Variants in ICE1 observed in about 807,000 individuals in gnomAD.
ICE1 encodes little elongation complex subunit 1.
A neutral mutation model predicts 192.7 loss-of-function variants in ICE1; 64 were observed. The ratio of observed to expected loss-of-function variants is 0.33; its 90% CI spans 0.27 to 0.41. ICE1 has a LOEUF of 0.41. Ranked by LOEUF, ICE1 falls within the 10% of genes least tolerant of loss-of-function variation. ICE1 has a pLI of 1.00. For synonymous variants in ICE1, 1,010 were observed against 984.5 expected (o/e 1.03, Z -0.49); for missense variants, 2,708 against 2,696.0 (o/e 1.00, Z -0.10).
intron 14 of ICE1, among the ~76,000 whole-genome samples, chr5:5,468,454 C>G (rs968660499): frequency 2.6e-5 from 4 of 152,112 alleles, no homozygotes; most frequent in African/African-American, 9.7e-5. Context: ...GTATTTACAA[C>G]AAAAGAATTG....
At position 5,467,001 on chromosome 5, in the gene ICE1, G is replaced by C. The variant is rs187860224; in HGVS notation, c.6061+499G>C. Among the ~76,000 whole-genome samples the C allele has an allele frequency of 3.9e-5, 6 of 152,164 alleles. No homozygotes were observed. In the East Asian group the frequency reaches 1.2e-3, roughly 29 times the overall value. On this transcript the variant is annotated intron_variant, in intron 14 of 18. Coordinates refer to ENST00000296564, the MANE Select transcript of ICE1 (RefSeq NM_015325.3). ...ATCAGACTGGGAATCATTCTTTGCT[G>C]TATCAAATCATCAGTATTTTTAAAT...
At position 5,457,753 on chromosome 5, in the gene ICE1, T is replaced by TTCATTTGCAC; in HGVS notation, c.1101+12_1101+13insTCATTTGCAC. 2 of 1,602,596 alleles carry TTCATTTGCAC rather than the reference T, an allele frequency of 1.2e-6. No homozygotes were observed. Among genetic ancestry groups the TTCATTTGCAC allele is most frequent in the South Asian group, 2.2e-5 (2 of 90,198 alleles). On this transcript the variant is annotated intron_variant, in intron 12 of 18. Coordinates refer to ENST00000296564, the MANE Select transcript of ICE1 (RefSeq NM_015325.3). The stretch of plus-strand genomic sequence containing the variant: ...CTTCATTTGCACCTGTGAGTTTTGC[T>TTCATTTGCAC]CTCTGAATTTGAATTACCAAGTGGG...
Position 5,462,329 on chromosome 5 carries a change from G to C in ICE1, c.2995G>C (p.Gly999Arg). 1 of 1,613,972 alleles carries C rather than the reference G, an allele frequency of 6.2e-7. No homozygotes were observed. Among genetic ancestry groups the C allele is most frequent in the South Asian group, 1.1e-5 (1 of 91,084 alleles). The change falls in exon 13 of 19, where the codon GGC (glycine) becomes CGC (arginine). Residue 999 changes from glycine to arginine, a missense_variant. Around this residue, in one of 2 missense-constraint regions of ICE1, gnomAD observed 2,366 missense variants for 2,276.6 expected, o/e 1.04. Coordinates refer to ENST00000296564, the MANE Select transcript of ICE1 (RefSeq NM_015325.3). ...AGATCTGGACTCCAGTGGGACACATGGCAGTGAGATGCTTCCAGCCACAGA... is the reference window on the plus strand; with the variant it reads ...AGATCTGGACTCCAGTGGGACACATCGCAGTGAGATGCTTCCAGCCACAGA... ...ATDLDSSGTH[G>R]SEMLPATEVT...
chr5:5,460,987 A>G lies in ICE1; in HGVS notation c.1653A>G (p.Val551=). ...TCATGGAATCTGAAGGAAAAACCGT[A>G]TTGTCTAAAATGATGGGATCGCCCA... The part of the protein sequence containing the change: ...NELMESEGKT[V]LSKMMGSPKS... The change falls in exon 13 of 19, where the codon GTA becomes GTG. Residue 551 remains valine, a synonymous_variant. Coordinates refer to ENST00000296564, the MANE Select transcript of ICE1 (RefSeq NM_015325.3). 1 of 1,614,056 alleles carries G rather than the reference A, an allele frequency of 6.2e-7. No homozygotes were observed. The highest frequency in any genetic ancestry group is 8.5e-7 in the Non-Finnish European group (1 of 1,179,902).
chr5:5,465,322 A>T, intron 13 of ICE1, 96 bp downstream of exon 13: 1 of 819,846 alleles, frequency 1.2e-6, no homozygotes, highest in Non-Finnish European at 1.9e-6. Context: ...GACCATGAAC[A>T]AAAGTTTTAC....
chr5:5,444,539 T>A (rs1181380472), intron 7 of ICE1, among the ~76,000 whole-genome samples: 1 of 152,178 alleles, frequency 6.6e-6, no homozygotes, highest in Non-Finnish European at 1.5e-5. Flanking sequence ...ATGTGGCAAA[T>A]CTCCGAAATG....
chr5:5,423,092 C>A, intron 1 of ICE1, 93 bp downstream of exon 1: 1 of 696,014 alleles, frequency 1.4e-6, no homozygotes, highest in South Asian at 4.5e-5. Context: ...GCGGGCTGTG[C>A]CTCAGTGCGC....
intron 17 of ICE1, among the ~76,000 whole-genome samples, chr5:5,479,568 T>G (rs2111402599): frequency 6.6e-6 from 1 of 152,274 alleles, no homozygotes; most frequent in South Asian, 2.1e-4. Flanking sequence ...GAAATACCAT[T>G]TGACCCAGCA....
rs757207553 is a variant in ICE1 at position 5,486,812 on chromosome 5, C to T, written c.6612C>T (p.His2204=). The T allele has an allele frequency of 2.1e-5, 33 of 1,587,426 alleles. No individual in the cohort carries two copies. The Middle Eastern group carries it at 5.0e-4, about 24-fold the overall frequency. The change falls in exon 18 of 19, where the codon CAC becomes CAT. Residue 2204 remains histidine (H), a synonymous_variant. Transcript: ENST00000296564. The part of the protein sequence containing the change: ...SVIGMFIQHA[H]DEDIPWGIQL... ...TTGGTATGTTTATACAGCATGCTCA[C>T]GATGAAGGTAAAACTTACATCTATT...
chr5:5,459,994 C>G (rs541383608), intron 12 of ICE1, among the ~76,000 whole-genome samples: 89 of 152,252 alleles, frequency 5.8e-4, no homozygotes, highest in African/African-American at 2.1e-3. Flanking sequence ...CGTCCCTCCC[C>G]CCCTGCACAA....
At position 5,462,827 on chromosome 5, in the gene ICE1, T is replaced by A. The variant is rs775233128; in HGVS notation, c.3493T>A (p.Ser1165Thr). 49 of 1,610,914 alleles carry A rather than the reference T, an allele frequency of 3.0e-5. No individual in the cohort carries two copies. Among genetic ancestry groups the A allele is most frequent in the Middle Eastern group, 3.3e-4 (2 of 6,082 alleles). The change falls in exon 13 of 19, where the codon TCT (serine) becomes ACT (threonine). Residue 1165 changes from serine to threonine, a missense_variant. Coordinates refer to ENST00000296564, the MANE Select transcript of ICE1 (RefSeq NM_015325.3). ...ALQDFNISTF[S>T]ELDRLSTSEV... ...GCAAGATTTTAACATAAGTACTTTT[T>A]CTGAGCTGGATAGACTTTCCACATC... is the stretch of plus-strand genomic sequence containing the variant.
intron 7 of ICE1, among the ~76,000 whole-genome samples, chr5:5,446,444 G>A (rs944083790): frequency 6.6e-5 from 10 of 150,944 alleles, no homozygotes; most frequent in African/African-American, 1.5e-4. Flanking sequence ...TGTGCACCAC[G>A]ACACCCGACT....
At chr5:5,486,682 T>C in intron 17 of ICE1, 39 bp from the exon 18 acceptor site, 1 of 1,350,462 alleles carries the variant, frequency 7.4e-7, no homozygotes, top group Non-Finnish European at 1.0e-6. Context: ...TTAATCAACA[T>C]TTAACTGGAC....
chr5:5,454,721 T>A lies in ICE1; in HGVS notation c.691+83T>A, dbSNP rs1738537499. The A allele has an allele frequency of 9.1e-6, 8 of 882,180 alleles. No homozygotes were observed. In the South Asian group the frequency reaches 1.2e-4, roughly 14 times the overall value. 54.6% of individuals were successfully genotyped at this position (882,180 alleles called of 1,614,324 possible). A position where few individuals can be genotyped will look rare whatever the true frequency, so the allele number is the denominator to read the frequency against. ...AGGCATAGCAGCCGTTACTTTTTAA[T>A]AGCTCCTGATTCTAACATTGAAAGA... On this transcript the variant is annotated intron_variant, in intron 11 of 18. Coordinates refer to ENST00000296564, the MANE Select transcript of ICE1 (RefSeq NM_015325.3).
intron 10 of ICE1, among the ~76,000 whole-genome samples, chr5:5,454,013 C>T (rs1055018206): frequency 6.6e-6 from 1 of 152,178 alleles, no homozygotes; most frequent in Non-Finnish European, 1.5e-5. Context: ...CGTACCGTCT[C>T]CCCTCAAGTC....
intron 17 of ICE1, among the ~76,000 whole-genome samples, chr5:5,480,411 G>T (rs1002200780): frequency 6.6e-6 from 1 of 151,764 alleles, no homozygotes; most frequent in African/African-American, 2.4e-5. Flanking sequence ...CACCACGCCC[G>T]GCTAATTTTT....
Position 5,451,921 on chromosome 5 carries a change from A to G in ICE1, c.605-2631A>G, listed in dbSNP as rs556734422. 5.9e-5 allele frequency among the ~76,000 whole-genome samples: 9 copies of G among 152,240 alleles called. No individual in the cohort carries two copies. In the East Asian group the frequency reaches 1.5e-3, roughly 26 times the overall value. ...TGTTAATATAGCTGCAAAAATACCA[A>G]ATAAAATTTTAAGAAATTAAATCCA... On this transcript the variant is annotated intron_variant, in intron 10 of 18. Coordinates refer to ENST00000296564, the MANE Select transcript of ICE1 (RefSeq NM_015325.3).
At chr5:5,432,597 T>C (rs1737752847) in intron 1 of ICE1, among the ~76,000 whole-genome samples, 1 of 152,204 alleles carries the variant, frequency 6.6e-6, no homozygotes, top group Non-Finnish European at 1.5e-5. Context: ...AAAACTAGTT[T>C]GCTCAGCAGC....
At chr5:5,482,821 TGA>T (rs1281470296) in intron 17 of ICE1, among the ~76,000 whole-genome samples, 1 of 142,588 alleles carries the variant, frequency 7.0e-6, no homozygotes, top group Non-Finnish European at 1.5e-5. Flanking sequence ...CTCATCTGGA[TGA>T]GAGTTTGAAT....
Sources: gnomAD v4.1 joint callset for allele counts (sites outside exome capture counted in the v4.1 genomes callset) on GRCh38, gnomAD v4.1.1 for gene constraint, gnomAD v4.1.1 regional missense constraint, MANE v1.5 for transcripts, NCBI Gene and HGNC (gene_info 2026-07-23, HGNC 2026-07-21) for gene names.